Variants in ZNF536 observed in about 807,000 individuals in gnomAD.
The protein encoded by ZNF536 is zinc finger protein 536.
A neutral mutation model predicts 84.5 loss-of-function variants in ZNF536; 13 were observed. That is an observed-to-expected ratio of 0.15 (90% CI 0.10 to 0.24). The LOEUF is 0.24. Among genes scored for constraint, ZNF536 ranks in the 10% least tolerant of loss-of-function variants. The pLI, the probability that ZNF536 is intolerant of heterozygous loss-of-function variation, is 1.00. For synonymous variants in ZNF536, 811 were observed against 742.5 expected (o/e 1.09, Z -1.50); for missense variants, 1,536 against 1,747.5 (o/e 0.88, Z 2.16).
intron 1 of ZNF536, among the ~76,000 whole-genome samples, chr19:30,657,253 CTGT>C (rs2049947411): frequency 6.6e-6 from 1 of 152,144 alleles, no homozygotes; most frequent in Non-Finnish European, 1.5e-5. Context: ...ACGTGATGTC[CTGT>C]AAGTCACCAA....
intron 1 of ZNF536, among the ~76,000 whole-genome samples, chr19:30,264,483 G>A (rs1171519087): frequency 6.6e-6 from 1 of 151,826 alleles, no homozygotes; most frequent in Non-Finnish European, 1.5e-5. Context: ...AGACAAAATG[G>A]AAGGTTTCAA....
At chr19:30,363,960 G>T (rs1453571244) in intron 3 of ZNF536, among the ~76,000 whole-genome samples, 1 of 152,178 alleles carries the variant, frequency 6.6e-6, no homozygotes, top group African/African-American at 2.4e-5. Context: ...CCCAGCAGAT[G>T]CAAGAGAGGG....
At chr19:30,547,435 T>C (rs1475688911) in intron 3 of ZNF536, among the ~76,000 whole-genome samples, 1 of 152,250 alleles carries the variant, frequency 6.6e-6, no homozygotes, top group Non-Finnish European at 1.5e-5. Context: ...GCTAATTATA[T>C]CCATGATTTA....
intron 1 of ZNF536, among the ~76,000 whole-genome samples, chr19:30,592,333 AT>A (rs962367528): frequency 6.6e-6 from 1 of 151,880 alleles, no homozygotes; most frequent in Non-Finnish European, 1.5e-5. Flanking sequence ...ATGCAGTGGG[AT>A]TTTTTTTCCA....
intron 1 of ZNF536, among the ~76,000 whole-genome samples, chr19:30,652,813 G>A (rs1437142664): frequency 1.3e-5 from 2 of 152,148 alleles, no homozygotes; most frequent in Admixed American, 1.3e-4. Context: ...CCTTCACCTG[G>A]GGCGTGGGCT....
At chr19:30,575,609 G>A (rs1169404764) in intron 1 of ZNF536, among the ~76,000 whole-genome samples, 1 of 152,216 alleles carries the variant, frequency 6.6e-6, no homozygotes, top group Non-Finnish European at 1.5e-5. Context: ...ACTCCTCCCT[G>A]CCTTCAGGCA....
At chr19:30,316,302 T>C (rs1400148633) in intron 2 of ZNF536, among the ~76,000 whole-genome samples, 5 of 152,234 alleles carry the variant, frequency 3.3e-5, no homozygotes, top group African/African-American at 1.2e-4. Context: ...TTATTGCTCC[T>C]TTAAATGTTT....
chr19:30,599,328 C>A (rs1412023087), intron 1 of ZNF536, among the ~76,000 whole-genome samples: 2 of 133,216 alleles, frequency 1.5e-5, no homozygotes, highest in Non-Finnish European at 3.2e-5. Flanking sequence ...TCCTTTCCTT[C>A]TTTCCTTCCT....
At chr19:30,552,915 G>A (rs1208142522) in intron 4 of ZNF536, among the ~76,000 whole-genome samples, 1 of 152,184 alleles carries the variant, frequency 6.6e-6, no homozygotes, top group African/African-American at 2.4e-5. Context: ...AGCCATCTTG[G>A]ATTAAGCCAG....
chr19:30,440,906 GA>G, intron 1 of ZNF536, among the ~76,000 whole-genome samples: 1 of 150,752 alleles, frequency 6.6e-6, no homozygotes, highest in South Asian at 2.1e-4. Context: ...TAGATAGATA[GA>G]TAGATAGATA....
At chr19:30,316,731 G>A (rs1215117068) in intron 2 of ZNF536, among the ~76,000 whole-genome samples, 1 of 152,190 alleles carries the variant, frequency 6.6e-6, no homozygotes, top group Non-Finnish European at 1.5e-5. Context: ...CCAGGTGTGT[G>A]CTGAAGACTT....
At chr19:30,516,605 G>T (rs1177581820) in intron 2 of ZNF536, among the ~76,000 whole-genome samples, 1 of 152,202 alleles carries the variant, frequency 6.6e-6, no homozygotes, top group Non-Finnish European at 1.5e-5. Flanking sequence ...TTCATTGAGT[G>T]ACTCTGTGGG....
chr19:30,362,413 G>T (rs2048303866), intron 3 of ZNF536, among the ~76,000 whole-genome samples: 5 of 152,224 alleles, frequency 3.3e-5, no homozygotes, highest in Admixed American at 3.3e-4. Context: ...AAAGTACTAG[G>T]CCTGGACTCC....
chr19:30,712,217 G>A (rs1264296885), exon 2 of ZNF536: 3 of 152,056 alleles, frequency 2.0e-5, no homozygotes, highest in Admixed American at 2.0e-4. Context: ...CACACAGAAG[G>A]AGATTTTGAG....
intron 2 of ZNF536, among the ~76,000 whole-genome samples, chr19:30,501,112 TC>T (rs2054933664): frequency 6.6e-6 from 1 of 152,170 alleles, no homozygotes; most frequent in South Asian, 2.1e-4. Flanking sequence ...AAGGCTCCCA[TC>T]TACCCCCACA....
At chr19:30,375,563 C>T (rs1208280967) in intron 1 of ZNF536, among the ~76,000 whole-genome samples, 1 of 152,214 alleles carries the variant, frequency 6.6e-6, no homozygotes, top group African/African-American at 2.4e-5. Flanking sequence ...TGCGCTGCGG[C>T]CCGGGGTGTG....
chr19:30,253,029 T>C (rs1009514849), intron 1 of ZNF536, among the ~76,000 whole-genome samples: 1 of 152,154 alleles, frequency 6.6e-6, no homozygotes, highest in Non-Finnish European at 1.5e-5. Flanking sequence ...GTGAAAAGAT[T>C]TGGAATCAGT....
intron 2 of ZNF536, among the ~76,000 whole-genome samples, chr19:30,499,677 T>A (rs904781229): frequency 2.0e-4 from 30 of 152,228 alleles, no homozygotes; most frequent in Admixed American, 2.0e-3. Context: ...CAAAATAAGT[T>A]TCGTGTGATT....
chr19:30,294,573 G>A (rs931615766), intron 2 of ZNF536, among the ~76,000 whole-genome samples: 2 of 151,850 alleles, frequency 1.3e-5, no homozygotes, highest in Admixed American at 6.6e-5. Flanking sequence ...GTGTGTGTGT[G>A]TGTGTGTGTG....
Sources: allele counts gnomAD v4.1 joint callset (sites outside exome capture counted in the v4.1 genomes callset), GRCh38; gene constraint gnomAD v4.1.1; transcripts MANE v1.5; gene names NCBI Gene and HGNC (gene_info 2026-07-23, HGNC 2026-07-21).